Variants in PIK3R1 observed in about 807,000 individuals in gnomAD.
The protein encoded by PIK3R1 is phosphatidylinositol 3-kinase regulatory subunit alpha.
A neutral mutation model predicts 98.0 loss-of-function variants in PIK3R1; 29 were observed. The observed-to-expected ratio is 0.30, with a 90% confidence interval of 0.22 to 0.40. PIK3R1 has a LOEUF of 0.40. PIK3R1 is among the 10% of genes least tolerant of loss of function. The pLI is 1.00. For synonymous variants in PIK3R1, 282 were observed against 311.8 expected (o/e 0.90, Z 1.01); for missense variants, 596 against 872.7 (o/e 0.68, Z 3.99).
chr5:68,227,373 C>T (rs1484209103), intron 2 of PIK3R1, among the ~76,000 whole-genome samples: 1 of 152,014 alleles, frequency 6.6e-6, no homozygotes, highest in Non-Finnish European at 1.5e-5. Context: ...GCTGAAAAAC[C>T]CAAAATTTTT....
In PIK3R1 at chr5:68,273,393, T is replaced by C; in HGVS notation, c.338T>C (p.Leu113Ser). 1 of 1,614,036 alleles carries C rather than the reference T, an allele frequency of 6.2e-7. No homozygotes were observed. Among genetic ancestry groups the C allele is most frequent in the African/African-American group, 1.3e-5 (1 of 75,042 alleles). The change falls in exon 3 of 16, where the codon TTG becomes TCG. Residue 113 changes from leucine to serine, a missense_variant. Physicochemically the swap from Leu to Ser is moderately radical, Grantham distance 145. This residue lies in a region of PIK3R1 where 352 missense variants were observed against 393.3 expected (regional missense o/e 0.90). Transcript: ENST00000521381. The part of the protein sequence containing the change: ...KTEADVEQQA[L>S]TLPDLAEQFA... Reference sequence around the variant, plus strand: ...GGTGGGATTTTGTTGTTTGCAGCTTTGACTCTCCCGGATCTTGCAGAGCAG... The same window carrying C: ...GGTGGGATTTTGTTGTTTGCAGCTTCGACTCTCCCGGATCTTGCAGAGCAG...
chr5:68,222,077 TA>T (rs1744111249), intron 1 of PIK3R1, among the ~76,000 whole-genome samples: 1 of 152,258 alleles, frequency 6.6e-6, no homozygotes, highest in African/African-American at 2.4e-5. Flanking sequence ...TAGATAATGT[TA>T]TCTACATATA....
intron 2 of PIK3R1, among the ~76,000 whole-genome samples, chr5:68,262,973 A>G (rs1233843758): frequency 2.0e-4 from 4 of 19,780 alleles, no homozygotes; most frequent in African/African-American, 1.0e-3. Flanking sequence ...GTATACATAT[A>G]TACATGTAGA....
intron 1 of PIK3R1, among the ~76,000 whole-genome samples, chr5:68,223,274 A>G (rs1210284693): frequency 6.6e-6 from 1 of 152,092 alleles, no homozygotes; most frequent in Non-Finnish European, 1.5e-5. Flanking sequence ...CAATGTGCAA[A>G]AGAGTAGGGG....
chr5:68,288,347 C>G, intron 7 of PIK3R1: 1 of 962,124 alleles, frequency 1.0e-6, no homozygotes, highest in Non-Finnish European at 1.3e-6. Context: ...TGAACCTGCC[C>G]AAGTTAATCA....
chr5:68,297,351 TG>T, intron 15 of PIK3R1, 60 bp from the exon 16 acceptor site: 1 of 1,335,132 alleles, frequency 7.5e-7, no homozygotes, highest in Non-Finnish European at 1.0e-6. Context: ...AAAGATGCCC[TG>T]AAGAGTTGTG....
At chr5:68,225,371 C>T (rs1744234574) in intron 1 of PIK3R1, among the ~76,000 whole-genome samples, 1 of 152,162 alleles carries the variant, frequency 6.6e-6, no homozygotes, top group African/African-American at 2.4e-5. Flanking sequence ...GTTTCATCAG[C>T]CACTAGCACA....
At chr5:68,280,280 A>G (rs1187037994) in intron 5 of PIK3R1, 2 of 529,560 alleles carry the variant, frequency 3.8e-6, no homozygotes, top group Non-Finnish European at 6.7e-6. Flanking sequence ...TGCTGCCAGC[A>G]CACCCTGAAC....
intron 2 of PIK3R1, among the ~76,000 whole-genome samples, chr5:68,254,822 C>A (rs527783439): frequency 8.6e-6 from 1 of 116,620 alleles, no homozygotes; most frequent in African/African-American, 3.6e-5. Flanking sequence ...TCAGTACAGT[C>A]TTTTTCTTTT....
chr5:68,291,294 T>C (rs1747371040), intron 7 of PIK3R1: 1 of 152,538 alleles, frequency 6.6e-6, no homozygotes, highest in Non-Finnish European at 1.5e-5. Flanking sequence ...GTTGAGACTT[T>C]GCTTGCTCTC....
chr5:68,279,799 T>G lies in PIK3R1; in HGVS notation c.634+66T>G, dbSNP rs1746748829. ...GGAGATGTAGAGGTGCTTGTATATGTCTTGCATATATAGAAATAGTGGTTA... is the reference window on the plus strand; with the variant it reads ...GGAGATGTAGAGGTGCTTGTATATGGCTTGCATATATAGAAATAGTGGTTA... On this transcript the variant is annotated intron_variant, in intron 5 of 15. Coordinates refer to ENST00000521381, the MANE Select transcript of PIK3R1 (RefSeq NM_181523.3). 6 of 1,456,420 alleles carry G rather than the reference T, an allele frequency of 4.1e-6. No individual in the cohort carries two copies. In the Admixed American group the frequency reaches 1.0e-4, roughly 25 times the overall value. The allele number at this position is 1,456,420 out of a possible 1,614,324, so 90.2% of individuals were successfully genotyped here. A position where few individuals can be genotyped will look rare whatever the true frequency, so the allele number is the denominator to read the frequency against.
At chr5:68,289,977 G>T (rs190898446) in intron 7 of PIK3R1, among the ~76,000 whole-genome samples, 1 of 152,106 alleles carries the variant, frequency 6.6e-6, no homozygotes. Flanking sequence ...AATGTTGACA[G>T]ACAATTACGT....
chr5:68,297,425 G>C lies in PIK3R1; in HGVS notation c.1999G>C (p.Val667Leu). Residue 667 changes from valine to leucine, a missense_variant, in exon 16 of 16, where the codon GTA becomes CTA. Physicochemically the swap from Val to Leu is conservative, Grantham distance 32. Transcript: ENST00000521381. ...YACSVVVDGEVKHCVINKTAT... is the reference protein window; with the variant it reads ...YACSVVVDGELKHCVINKTAT... ...TCTCCTCTCTAGGGTGGACGGCGAA[G>C]TAAAGCATTGTGTCATAAACAAAAC... 6.2e-7 allele frequency: 1 copy of C among 1,613,670 alleles called. No homozygotes were observed.
intron 4 of PIK3R1, among the ~76,000 whole-genome samples, chr5:68,279,133 A>C (rs1174714404): frequency 1.3e-5 from 2 of 152,010 alleles, no homozygotes. Context: ...CCCCTCCTAG[A>C]AGGATATCAG....
chr5:68,239,864 A>G (rs1561265140), intron 2 of PIK3R1: 1 of 504,328 alleles, frequency 2.0e-6, no homozygotes, highest in East Asian at 4.4e-5. Flanking sequence ...AACAACTGAA[A>G]AGAATAAAGC....
intron 2 of PIK3R1, 55 bp from the exon 3 acceptor site, chr5:68,273,335 C>A: frequency 7.1e-7 from 1 of 1,407,804 alleles, no homozygotes; most frequent in Non-Finnish European, 1.0e-6. Context: ...TCATTGTGGT[C>A]TAATGCATTC....
chr5:68,292,013 C>T, intron 7 of PIK3R1: 1 of 329,402 alleles, frequency 3.0e-6, no homozygotes. Context: ...CATGGCCAGC[C>T]CAATTTATTT....
Position 68,299,310 on chromosome 5 carries a change from C to T in PIK3R1, c.*1709C>T, listed in dbSNP as rs1351256877. ...TTTCCATTTGGTTTAGAACATAAAG[C>T]AAATAGACACAGTCATACTGTCACT... On this transcript the variant is annotated 3_prime_UTR_variant, in exon 16 of 16. Transcript: ENST00000521381. The T allele has an allele frequency of 1.7e-5, 4 of 232,202 alleles. No homozygotes were observed. Among genetic ancestry groups the T allele is most frequent in the Non-Finnish European group, 3.4e-5 (4 of 117,872 alleles). The allele number at this position is 232,202 out of a possible 1,614,324, so 14.4% of individuals were successfully genotyped here.
chr5:68,264,252 A>T (rs1228215536), intron 2 of PIK3R1, among the ~76,000 whole-genome samples: 1 of 152,182 alleles, frequency 6.6e-6, no homozygotes, highest in African/African-American at 2.4e-5. Context: ...AGCTCAAGTT[A>T]AAAAAATGCA....
Sources: allele counts gnomAD v4.1 joint callset (sites outside exome capture counted in the v4.1 genomes callset), GRCh38; gene constraint gnomAD v4.1.1; regional missense constraint gnomAD v4.1.1; transcripts MANE v1.5; gene names NCBI Gene and HGNC (gene_info 2026-07-23, HGNC 2026-07-21).